Variants in CSPG5 observed in about 807,000 individuals in gnomAD.
The protein encoded by CSPG5 is chondroitin sulfate proteoglycan 5.
Under a neutral mutation model 39.8 loss-of-function variants are expected in CSPG5, and 25 were observed. That is an observed-to-expected ratio of 0.63 (90% CI 0.46 to 0.88). CSPG5 has a LOEUF of 0.88. CSPG5 is among the 40% of genes least tolerant of loss of function. The pLI, the probability that CSPG5 is intolerant of heterozygous loss-of-function variation, is 0.00. For synonymous variants in CSPG5, 295 were observed against 303.9 expected (o/e 0.97, Z 0.31); for missense variants, 627 against 702.2 (o/e 0.89, Z 1.21).
In CSPG5 at chr3:47,577,360, G is replaced by A. The variant is rs1324726955; in HGVS notation, c.666C>T (p.Gly222=). Residue 222 remains glycine, a synonymous_variant, in exon 2 of 5, where the codon GGC becomes GGT. Coordinates refer to ENST00000264723, the MANE Select transcript of CSPG5 (RefSeq NM_006574.4). The surrounding 1 kb of genome is among the most constrained non-coding windows in gnomAD (Gnocchi z 4.7). Reference sequence around the variant, plus strand: ...ACCCTGGGAAGCTCCCCAGATCTGCGCCACGACCCTCACCATCCAGTCCTT... The same window carrying A: ...ACCCTGGGAAGCTCCCCAGATCTGCACCACGACCCTCACCATCCAGTCCTT... ...YFEGLDGEGR[G]ADLGSFPGSP... 11 of 1,614,096 alleles carry A rather than the reference G, an allele frequency of 6.8e-6. No individual in the cohort carries two copies. The highest frequency in any genetic ancestry group is 9.3e-6 in the Non-Finnish European group (11 of 1,179,996).
At chr3:47,575,259 C>T (rs1300808723) in intron 2 of CSPG5, among the ~76,000 whole-genome samples, 5 of 152,122 alleles carry the variant, frequency 3.3e-5, no homozygotes, top group Non-Finnish European at 1.5e-5. Context: ...AACCCCATCT[C>T]TACTAAAAAT....
chr3:47,574,144 G>A (rs962389550), intron 2 of CSPG5, among the ~76,000 whole-genome samples: 1 of 152,224 alleles, frequency 6.6e-6, no homozygotes, highest in Non-Finnish European at 1.5e-5. Flanking sequence ...GAGTGGACAC[G>A]TGGAGAAGCC....
chr3:47,578,261 A>G lies in CSPG5; in HGVS notation c.98-333T>C. 1 of 259,736 alleles carries G rather than the reference A, an allele frequency of 3.9e-6. No individual in the cohort carries two copies. The highest frequency in any genetic ancestry group is 7.1e-6 in the Non-Finnish European group (1 of 140,790). The allele number at this position is 259,736 out of a possible 1,614,324, so 16.1% of individuals were successfully genotyped here. Reference sequence around the variant, plus strand: ...CGGGAACCCACCCTGAGCCGCGTCCACTGGCTCCCGCCCTCAGCTCCAGGT... The same window carrying G: ...CGGGAACCCACCCTGAGCCGCGTCCGCTGGCTCCCGCCCTCAGCTCCAGGT... On this transcript the variant is annotated intron_variant, in intron 1 of 4. Transcript: ENST00000264723. This position sits in a 1 kb window ranked among gnomAD's most constrained non-coding sequence, Gnocchi z 6.0.
At chr3:47,579,462 T>G (rs971804669), upstream of CSPG5, 11 of 152,132 alleles carry the variant, frequency 7.2e-5, no homozygotes, top group Non-Finnish European at 1.5e-4. The surrounding 1 kb of genome is among the most constrained non-coding windows in gnomAD (Gnocchi z 4.2). Flanking sequence ...TCGGATCAGA[T>G]CTAATCCGTT....
In CSPG5 at chr3:47,577,653, C is replaced by G; in HGVS notation, c.373G>C (p.Ala125Pro). ...ACCTCGTGGGGAGCCTGGAGCGTAG[C>G]TGGAAGGGCCTGGGCATCGCCGCTG... Reference protein sequence around the residue: ...AGSGDAQALPATLQAPHEVLG... With the variant: ...AGSGDAQALPPTLQAPHEVLG... The change falls in exon 2 of 5, where the codon GCT becomes CCT. Residue 125 changes from alanine (A) to proline (P), a missense_variant. Physicochemically the swap from Ala to Pro is conservative, Grantham distance 27. Coordinates refer to ENST00000264723, the MANE Select transcript of CSPG5 (RefSeq NM_006574.4). The surrounding 1 kb of genome is among the most constrained non-coding windows in gnomAD (Gnocchi z 4.7). 2 of 1,606,426 alleles carry G rather than the reference C, an allele frequency of 1.2e-6. No homozygotes were observed. Among genetic ancestry groups the G allele is most frequent in the Non-Finnish European group, 1.7e-6 (2 of 1,177,546 alleles).
chr3:47,567,955 T>A (rs1279871382), intron 4 of CSPG5, among the ~76,000 whole-genome samples: 1 of 152,238 alleles, frequency 6.6e-6, no homozygotes, highest in African/African-American at 2.4e-5. Flanking sequence ...AGGTCTGCAC[T>A]GTGTAATGTG....
At position 47,562,782 on chromosome 3, in the gene CSPG5, G is replaced by A. The variant is rs9842590; in HGVS notation, c.1459-21C>T. The A allele has an allele frequency of 7.0e-6, 11 of 1,566,828 alleles. No homozygotes were observed. The East Asian group carries it at 1.4e-4, about 19-fold the overall frequency. The stretch of plus-strand genomic sequence containing the variant: ...TCATCCTGGAAGAGGGAAAAAGTTG[G>A]GGGGGGGGAGACAATGCATACAGCA... On this transcript the variant is annotated intron_variant, in intron 4 of 4. Coordinates refer to ENST00000264723, the MANE Select transcript of CSPG5 (RefSeq NM_006574.4).
intron 3 of CSPG5, among the ~76,000 whole-genome samples, chr3:47,570,809 C>T (rs891775822): frequency 2.0e-5 from 3 of 152,150 alleles, no homozygotes; most frequent in Admixed American, 6.5e-5. Flanking sequence ...CATGAGTTAC[C>T]GTGCCCAGCT....
chr3:47,575,398 C>CA (rs1559614168), intron 2 of CSPG5, among the ~76,000 whole-genome samples: 1 of 152,160 alleles, frequency 6.6e-6, no homozygotes, highest in African/African-American at 2.4e-5. Context: ...CACCTGATCA[C>CA]CCCACCCTGG....
rs1162969621 is a variant in CSPG5, at chr3:47,577,471, G to A, written c.555C>T (p.Asp185=). ...VWLNLGGSTP[D]PQGPELTYPF... ...GGTAAGTCAGCTCTGGCCCTTGAGG[G>A]TCGGGTGTGCTGCCCCCCAGGTTCA... is the stretch of plus-strand genomic sequence containing the variant. The change falls in exon 2 of 5, where the codon GAC becomes GAT. Residue 185 remains aspartate, a synonymous_variant. Transcript: ENST00000264723. The surrounding 1 kb of genome is among the most constrained non-coding windows in gnomAD (Gnocchi z 4.7). The A allele has an allele frequency of 6.2e-7, 1 of 1,613,950 alleles. No homozygotes were observed. The highest frequency in any genetic ancestry group is 1.1e-5 in the South Asian group (1 of 91,080).
In CSPG5 at chr3:47,562,445, C is replaced by T; in HGVS notation, c.*155G>A. On this transcript the variant is annotated 3_prime_UTR_variant, in exon 5 of 5. Transcript: ENST00000264723. Reference sequence around the variant, plus strand: ...TTTGCTTATTTTAAGTATTTTTTTGCCTCCTGTACAAAATACATAAAAGCA... The same window carrying T: ...TTTGCTTATTTTAAGTATTTTTTTGTCTCCTGTACAAAATACATAAAAGCA... 2 of 685,632 alleles carry T rather than the reference C, an allele frequency of 2.9e-6. No individual in the cohort carries two copies. Among genetic ancestry groups the T allele is most frequent in the African/African-American group, 3.7e-5 (2 of 54,490 alleles). The allele number at this position is 685,632 out of a possible 1,614,324, so 42.5% of individuals were successfully genotyped here.
intron 2 of CSPG5, among the ~76,000 whole-genome samples, chr3:47,574,790 T>C (rs968134962): frequency 2.0e-5 from 3 of 151,950 alleles, no homozygotes; most frequent in Non-Finnish European, 2.9e-5. Flanking sequence ...ATACAAAAAA[T>C]TAGCTGGGCG....
rs566643529 is a variant in CSPG5 at position 47,567,487 on chromosome 3, C to T, written c.1458+1665G>A. On this transcript the variant is annotated intron_variant, in intron 4 of 4. Coordinates refer to ENST00000264723, the MANE Select transcript of CSPG5 (RefSeq NM_006574.4). ...GGTTATAATGTTCATCTTGACCTTA[C>T]TTGTTGTATCTTGGTACAAACCAAG... Among the ~76,000 whole-genome samples the T allele has an allele frequency of 3.3e-5, 5 of 152,218 alleles. No homozygotes were observed. In the South Asian group the frequency reaches 1.0e-3, roughly 32 times the overall value.
chr3:47,562,740 T>C lies in CSPG5; in HGVS notation c.1480A>G (p.Lys494Glu). Residue 494 changes from lysine to glutamate, a missense_variant, in exon 5 of 5, where the codon AAA becomes GAA. Transcript: ENST00000264723. ...CAGGACTTGAGAACCTCCTGGATTT[T>C]GTGGGGAGCACTAGGATCATCCTGG... ...HPNDDPSAPHKIQEVLKSCLK... is the reference protein window; with the variant it reads ...HPNDDPSAPHEIQEVLKSCLK... The C allele has an allele frequency of 6.2e-7, 1 of 1,613,532 alleles. No homozygotes were observed. Among genetic ancestry groups the C allele is most frequent in the Non-Finnish European group, 8.5e-7 (1 of 1,179,856 alleles).
chr3:47,570,040 C>T (rs979608677), intron 3 of CSPG5, among the ~76,000 whole-genome samples: 6 of 151,968 alleles, frequency 3.9e-5, no homozygotes, highest in African/African-American at 4.8e-5. Flanking sequence ...TGAGCCACTG[C>T]GCCCAGTCAA....
At chr3:47,565,691 A>G (rs2031270493) in intron 4 of CSPG5, among the ~76,000 whole-genome samples, 1 of 152,158 alleles carries the variant, frequency 6.6e-6, no homozygotes, top group Non-Finnish European at 1.5e-5. Flanking sequence ...GAAAAAAAAA[A>G]AAAAAGCACA....
intron 3 of CSPG5, among the ~76,000 whole-genome samples, chr3:47,571,873 G>T (rs757807118): frequency 2.0e-4 from 31 of 152,200 alleles, no homozygotes; most frequent in Non-Finnish European, 1.8e-4. Context: ...CTTCCAAAAG[G>T]TTTTCTAACT....
rs1335170306 is a variant in CSPG5, at chr3:47,577,825, C to T, written c.201G>A (p.Ala67=). 1.3e-6 allele frequency: 2 copies of T among 1,566,990 alleles called. No homozygotes were observed. Among genetic ancestry groups the T allele is most frequent in the Non-Finnish European group, 1.7e-6 (2 of 1,166,564 alleles). The change falls in exon 2 of 5, where the codon GCG becomes GCA. Residue 67 remains alanine, a synonymous_variant. Coordinates refer to ENST00000264723, the MANE Select transcript of CSPG5 (RefSeq NM_006574.4). This position sits in a 1 kb window ranked among gnomAD's most constrained non-coding sequence, Gnocchi z 4.7. The part of the protein sequence containing the change: ...NDTREEAGPP[A]AGEDEASWTA... ...TCCACGACGCCTCATCTTCCCCAGC[C>T]GCTGGTGGGCCGGCTTCTTCCCGCG...
chr3:47,562,789 G>T (rs199986083), intron 4 of CSPG5, 28 bp from the exon 5 acceptor site: 1 of 1,540,556 alleles, frequency 6.5e-7, no homozygotes. Context: ...TTGGGGGGGG[G>T]GAGACAATGC....
Sources: gnomAD v4.1 joint callset for allele counts (sites outside exome capture counted in the v4.1 genomes callset) on GRCh38, gnomAD v4.1.1 for gene constraint, Gnocchi (gnomAD v3.1) non-coding constraint, MANE v1.5 for transcripts, NCBI Gene and HGNC (gene_info 2026-07-23, HGNC 2026-07-21) for gene names.